Variants in SLC5A4 observed in about 807,000 individuals in gnomAD.
The protein encoded by SLC5A4 is probable glucose sensor protein SLC5A4.
In SLC5A4, 55 loss-of-function variants were observed where a neutral mutation model predicts 70.3. That is an observed-to-expected ratio of 0.78 (90% CI 0.63 to 0.98). SLC5A4 has a LOEUF of 0.98. Ranked by LOEUF, SLC5A4 falls within the 50% of genes least tolerant of loss-of-function variation. SLC5A4 has a pLI of 0.00. For missense variants in SLC5A4, 735 were observed against 839.2 expected (o/e 0.88, Z 1.53); for synonymous variants, 268 against 305.7 (o/e 0.88, Z 1.29).
chr22:32,265,499 T>C, the SLC5A4 span, among the ~76,000 whole-genome samples: 1 of 152,122 alleles, frequency 6.6e-6, no homozygotes, highest in East Asian at 1.9e-4. Flanking sequence ...GGAAACCAGA[T>C]TGATTAAATT....
the SLC5A4 span, among the ~76,000 whole-genome samples, chr22:32,292,449 A>G: frequency 2.5e-4 from 38 of 150,142 alleles, no homozygotes; most frequent in Non-Finnish European, 4.9e-4. Context: ...GAAAATCCCC[A>G]TATGTTTGGA....
the SLC5A4 span, among the ~76,000 whole-genome samples, chr22:32,343,544 T>C: frequency 6.6e-6 from 1 of 152,218 alleles, no homozygotes; most frequent in Admixed American, 6.5e-5. Context: ...CTCCAGACTC[T>C]ATGCTACATG....
chr22:32,259,856 A>G (rs930318109), upstream of SLC5A4, among the ~76,000 whole-genome samples: 1 of 152,202 alleles, frequency 6.6e-6, no homozygotes, highest in Non-Finnish European at 1.5e-5. Flanking sequence ...ATACACACCA[A>G]GTTTTATTGG....
At chr22:32,305,406 G>T in the SLC5A4 span, among the ~76,000 whole-genome samples, 3 of 145,050 alleles carry the variant, frequency 2.1e-5, no homozygotes, top group African/African-American at 7.8e-5. Context: ...TGCCAGGAAA[G>T]ATATATTTAA....
chr22:32,311,096 A>G, the SLC5A4 span, among the ~76,000 whole-genome samples: 2 of 152,130 alleles, frequency 1.3e-5, no homozygotes, highest in African/African-American at 4.8e-5. Context: ...TCTGGCCTTC[A>G]ATCATCTGCT....
chr22:32,290,791 G>A, the SLC5A4 span, among the ~76,000 whole-genome samples: 1 of 152,044 alleles, frequency 6.6e-6, no homozygotes, highest in African/African-American at 2.4e-5. Flanking sequence ...AGATGGAAAG[G>A]CAAAAAGGCC....
At chr22:32,242,193 C>T (rs1603232534) in intron 5 of SLC5A4, among the ~76,000 whole-genome samples, 1 of 152,174 alleles carries the variant, frequency 6.6e-6, no homozygotes, top group East Asian at 1.9e-4. Flanking sequence ...GCACACTTAG[C>T]ACGCAGATTT....
the SLC5A4 span, among the ~76,000 whole-genome samples, chr22:32,307,632 CAACCCCCAAAGTTGTTTGCATG>C: frequency 8.5e-5 from 13 of 152,220 alleles, no homozygotes; most frequent in Non-Finnish European, 1.9e-4. Flanking sequence ...TTTCGGGTCA[CAACCCCCAAAGTTGTTTGCATG>C]CACTGAAGCA....
chr22:32,278,371 C>T, the SLC5A4 span, among the ~76,000 whole-genome samples: 4 of 152,134 alleles, frequency 2.6e-5, no homozygotes, highest in Admixed American at 2.6e-4. Flanking sequence ...TTATAATATG[C>T]ACATTTCTTA....
the SLC5A4 span, among the ~76,000 whole-genome samples, chr22:32,285,712 T>TTTTTA: frequency 0.34 from 50,326 of 147,620 alleles, 8,727 homozygotes; most frequent in Admixed American, 0.4. Context: ...TCTTTTTTTA[T>TTTTTA]TTTTATTTTA....
At chr22:32,308,723 T>C in the SLC5A4 span, among the ~76,000 whole-genome samples, 7 of 152,224 alleles carry the variant, frequency 4.6e-5, no homozygotes, top group South Asian at 6.2e-4. Flanking sequence ...TTCTAGAGCA[T>C]TGGAGACAGC....
intron 11 of SLC5A4, 78 bp downstream of exon 11, chr22:32,229,116 A>G (rs1475476614): frequency 1.4e-6 from 2 of 1,382,600 alleles, no homozygotes; most frequent in African/African-American, 2.9e-5. Context: ...CACCAAAGCC[A>G]AAGACAAGGG....
chr22:32,225,202 A>T (rs1454528814), intron 12 of SLC5A4, among the ~76,000 whole-genome samples: 1 of 152,232 alleles, frequency 6.6e-6, no homozygotes, highest in African/African-American at 2.4e-5. Context: ...CACAATAGTA[A>T]TGAACACAAT....
intron 7 of SLC5A4, among the ~76,000 whole-genome samples, 200 bp from the exon 8 acceptor site, chr22:32,235,293 C>A (rs1034601546): frequency 6.6e-6 from 1 of 152,112 alleles, no homozygotes; most frequent in Non-Finnish European, 1.5e-5. Flanking sequence ...TCACGAAGTA[C>A]ACAAAGCAAA....
At chr22:32,272,229 G>A in the SLC5A4 span, 3 of 776,156 alleles carry the variant, frequency 3.9e-6, no homozygotes, top group South Asian at 2.8e-5. Flanking sequence ...GATCATGGAT[G>A]TGACTGAGGT....
At chr22:32,330,870 G>A in the SLC5A4 span, among the ~76,000 whole-genome samples, 1 of 134,042 alleles carries the variant, frequency 7.5e-6, no homozygotes. Flanking sequence ...GGTGTTGGAG[G>A]GTCTGCTGTG....
chr22:32,331,601 G>T, the SLC5A4 span, among the ~76,000 whole-genome samples: 1 of 152,140 alleles, frequency 6.6e-6, no homozygotes, highest in Admixed American at 6.5e-5. Flanking sequence ...GGGTGGAGAT[G>T]ACAAAGCTAT....
chr22:32,325,742 G>T, the SLC5A4 span, among the ~76,000 whole-genome samples: 25 of 152,254 alleles, frequency 1.6e-4, no homozygotes, highest in Non-Finnish European at 7.3e-5. Context: ...AGCAGCCTCA[G>T]GGGTGGGGAC....
chr22:32,305,982 T>A, the SLC5A4 span, among the ~76,000 whole-genome samples: 2 of 152,110 alleles, frequency 1.3e-5, no homozygotes, highest in African/African-American at 2.4e-5. Flanking sequence ...TGGACTCACG[T>A]GCCCAGTTCC....
Sources: allele counts gnomAD v4.1 joint callset (sites outside exome capture counted in the v4.1 genomes callset), GRCh38; gene constraint gnomAD v4.1.1; transcripts MANE v1.5; gene names NCBI Gene and HGNC (gene_info 2026-07-23, HGNC 2026-07-21).